The following ANO3 variants were observed in gnomAD, a reference collection of about 807,000 sequenced individuals.
ANO3 encodes anoctamin-3.
A neutral mutation model predicts 144.8 loss-of-function variants in ANO3; 99 were observed. The observed-to-expected ratio is 0.68, with a 90% CI of 0.58 to 0.81. The LOEUF (loss-of-function observed/expected upper bound fraction) is 0.81, where lower values mean the gene tolerates loss of function less well. Among genes scored for constraint, ANO3 ranks in the 30% least tolerant of loss-of-function variants. The probability of loss-of-function intolerance (pLI) is 0.00; values close to 1 mark genes in which losing one functional copy is unlikely to be tolerated. For synonymous variants in ANO3, 414 were observed against 392.6 expected (o/e 1.05, Z -0.64); for missense variants, 905 against 1,202.2 (o/e 0.75, Z 3.66).
intron 17 of ANO3, 32 bp downstream of exon 17, chr11:26,599,746 C>CA: frequency 1.9e-6 from 3 of 1,575,334 alleles, no homozygotes; most frequent in African/African-American, 1.4e-5. Flanking sequence ...CTTCAGTAGA[C>CA]AAAAAAGGGG....
chr11:26,413,499 A>G (rs1278924319), intron 1 of ANO3, among the ~76,000 whole-genome samples: 1 of 152,008 alleles, frequency 6.6e-6, no homozygotes, highest in Non-Finnish European at 1.5e-5. Flanking sequence ...TTTTAGGGAA[A>G]TCTTGTTATT....
rs528129461 is a variant in ANO3, at chr11:26,198,961, T to C, written c.154+9631T>C. ...TTTGTGGATGGCAGCAAGATCTACCTGGCTCATACAAAAGATGCATGTTCT... is the reference window on the plus strand; with the variant it reads ...TTTGTGGATGGCAGCAAGATCTACCCGGCTCATACAAAAGATGCATGTTCT... On this transcript the variant is annotated intron_variant, in intron 1 of 27. Coordinates refer to the ANO3 transcript ENST00000672621. Among the ~76,000 whole-genome samples, 9 of 152,318 alleles carry C rather than the reference T, an allele frequency of 5.9e-5. No homozygotes were observed. In the South Asian group the frequency reaches 1.9e-3, roughly 32 times the overall value.
At chr11:26,491,565 C>T (rs536251757) in intron 4 of ANO3, among the ~76,000 whole-genome samples, 21 of 152,216 alleles carry the variant, frequency 1.4e-4, no homozygotes, top group African/African-American at 3.6e-4. Flanking sequence ...ACAGAAGCAG[C>T]GTGTTAGAGG....
chr11:26,513,524 A>G (rs574360723), intron 5 of ANO3, among the ~76,000 whole-genome samples: 18 of 152,294 alleles, frequency 1.2e-4, no homozygotes, highest in African/African-American at 4.3e-4. Flanking sequence ...TGTGGAGCTT[A>G]AATCTTTCCA....
Position 26,527,031 on chromosome 11 carries a change from AG to A in ANO3, c.737+1353del, listed in dbSNP as rs549288582. ...TGCTTCAGTTTGCTACTATAGAATT[AG>A]TGAGACTTTGCTACTACATAATTAG... On this transcript the variant is annotated intron_variant, in intron 7 of 26. Coordinates refer to ENST00000256737, the MANE Select transcript of ANO3 (RefSeq NM_031418.4). Among the ~76,000 whole-genome samples the A allele has an allele frequency of 1.1e-4, 15 of 133,730 alleles. No individual in the cohort carries two copies. In the East Asian group the frequency reaches 3.4e-3, roughly 31 times the overall value. The allele number at this position is 133,730 out of a possible 152,430, so 87.7% of individuals were successfully genotyped here. A position where few individuals can be genotyped will look rare whatever the true frequency, so the allele number is the denominator to read the frequency against.
At chr11:26,565,594 TG>T (rs1565110460) in intron 14 of ANO3, 10 of 1,613,348 alleles carry the variant, frequency 6.2e-6, no homozygotes, top group Non-Finnish European at 7.6e-6. Context: ...GATGAGTTAC[TG>T]GAGAAATCTG....
At chr11:26,463,898 CT>C (rs905790839) in intron 4 of ANO3, among the ~76,000 whole-genome samples, 527 of 145,722 alleles carry the variant, frequency 3.6e-3, no homozygotes, top group East Asian at 0.023. Context: ...GATAAGCTCA[CT>C]TTTTTTTTTT....
chr11:26,516,232 A>T (rs377103207), intron 5 of ANO3, among the ~76,000 whole-genome samples: 1 of 151,720 alleles, frequency 6.6e-6, no homozygotes, highest in African/African-American at 2.4e-5. Flanking sequence ...TGTCTAGTCA[A>T]AGACACTTTA....
chr11:26,276,972 T>A (rs1454029186), intron 1 of ANO3, among the ~76,000 whole-genome samples: 1 of 152,106 alleles, frequency 6.6e-6, no homozygotes, highest in Non-Finnish European at 1.5e-5. Context: ...TGGTCTAATT[T>A]CAAGCAGTTG....
intron 17 of ANO3, among the ~76,000 whole-genome samples, chr11:26,612,124 G>T (rs568851834): frequency 6.6e-6 from 1 of 151,944 alleles, no homozygotes; most frequent in Non-Finnish European, 1.5e-5. Context: ...TGATAGATAA[G>T]GACTTACTCC....
At chr11:26,381,988 GATT>G (rs892194281) in intron 1 of ANO3, among the ~76,000 whole-genome samples, 5 of 151,926 alleles carry the variant, frequency 3.3e-5, no homozygotes, top group Non-Finnish European at 7.4e-5. Context: ...TTGAATATAG[GATT>G]ATTCTGAATT....
At chr11:26,387,540 G>T (rs1200297665) in intron 1 of ANO3, among the ~76,000 whole-genome samples, 3 of 151,658 alleles carry the variant, frequency 2.0e-5, no homozygotes, top group African/African-American at 7.3e-5. Context: ...AATTTTTGTT[G>T]CCTGTTCATC....
chr11:26,553,895 C>A (rs922526367), intron 13 of ANO3, among the ~76,000 whole-genome samples: 2 of 152,022 alleles, frequency 1.3e-5, no homozygotes, highest in African/African-American at 4.8e-5. Context: ...GTTTAAGAAA[C>A]ACTGAATTCT....
chr11:26,375,939 G>A (rs921874930), intron 1 of ANO3, among the ~76,000 whole-genome samples: 2 of 152,106 alleles, frequency 1.3e-5, no homozygotes, highest in African/African-American at 4.8e-5. Flanking sequence ...AGGATGACAG[G>A]AGAATGAAGT....
chr11:26,357,797 G>T (rs1855821481), intron 1 of ANO3, among the ~76,000 whole-genome samples: 1 of 151,884 alleles, frequency 6.6e-6, no homozygotes, highest in Non-Finnish European at 1.5e-5. Context: ...TTTCTTTCTA[G>T]AAGTTTTTTC....
At chr11:26,568,438 A>G (rs1002847789) in intron 14 of ANO3, among the ~76,000 whole-genome samples, 3 of 150,048 alleles carry the variant, frequency 2.0e-5, no homozygotes, top group Admixed American at 1.3e-4. Context: ...AGAATTTGGT[A>G]CACAGCTGCT....
chr11:26,505,577 C>G (rs1343819407), intron 4 of ANO3, among the ~76,000 whole-genome samples: 3 of 152,152 alleles, frequency 2.0e-5, no homozygotes, highest in African/African-American at 7.2e-5. Flanking sequence ...CGAGTGACCA[C>G]TTAACTAGGA....
intron 1 of ANO3, among the ~76,000 whole-genome samples, chr11:26,270,840 G>A (rs991127069): frequency 2.0e-5 from 3 of 152,184 alleles, no homozygotes; most frequent in Admixed American, 6.5e-5. Context: ...ATATGCAAAC[G>A]AAGATGGTCA....
chr11:26,503,371 A>C (rs1293537426), intron 4 of ANO3, among the ~76,000 whole-genome samples: 1 of 152,168 alleles, frequency 6.6e-6, no homozygotes, highest in Non-Finnish European at 1.5e-5. Flanking sequence ...AGATGTAATG[A>C]CACAGGTAAT....
Sources: gnomAD v4.1 joint callset for allele counts (sites outside exome capture counted in the v4.1 genomes callset) on GRCh38, gnomAD v4.1.1 for gene constraint, MANE v1.5 for transcripts, NCBI Gene and HGNC (gene_info 2026-07-23, HGNC 2026-07-21) for gene names.